Variants in ZNF705G observed in about 807,000 individuals in gnomAD.
The protein encoded by ZNF705G is putative zinc finger protein 705G.
ZNF705G carries 23 observed loss-of-function variants against 19.6 expected under a neutral mutation model. The observed-to-expected ratio is 1.17, with a 90% confidence interval of 0.84 to 1.66. ZNF705G has a LOEUF of 1.66. ZNF705G is among the 40% of genes most tolerant of loss of function. The probability of loss-of-function intolerance (pLI) is 0.00; values close to 1 mark genes in which losing one functional copy is unlikely to be tolerated. For synonymous variants in ZNF705G, 146 were observed against 117.7 expected (o/e 1.24, Z -1.56); for missense variants, 457 against 354.4 (o/e 1.29, Z -2.32).
rs1382707989 is a variant in ZNF705G, at chr8:7,355,937, A to G, written c.*2039T>C. 1 of 149,622 alleles carries G rather than the reference A, an allele frequency of 6.7e-6. No homozygotes were observed. Among genetic ancestry groups the G allele is most frequent in the East Asian group, 1.9e-4 (1 of 5,198 alleles). 9.3% of individuals were successfully genotyped at this position (149,622 alleles called of 1,614,324 possible). ...AGAGTAAAATCAATCACTTGTAGAG[A>G]TTTTAAAATATAATGATGTGTCAAC... On this transcript the variant is annotated 3_prime_UTR_variant, in exon 7 of 7. Coordinates refer to ENST00000400156, the MANE Select transcript of ZNF705G (RefSeq NM_001164457.3).
At chr8:7,359,027 ATTTG>A (rs1806437988) in intron 6 of ZNF705G, among the ~76,000 whole-genome samples, 1 of 149,538 alleles carries the variant, frequency 6.7e-6, no homozygotes, top group South Asian at 2.1e-4. Flanking sequence ...CCTCTGCCTC[ATTTG>A]TTTATGTCAT....
rs1471788733 is a variant in ZNF705G at position 7,375,387 on chromosome 8, C to T, written c.-72+6065G>A. On this transcript the variant is annotated intron_variant, in intron 2 of 6. Coordinates refer to ENST00000400156, the MANE Select transcript of ZNF705G (RefSeq NM_001164457.3). ...TTCTTTTTATGGATGCATAGTATTC[C>T]GTGACATATATGTACTACATTTTCT... is the stretch of plus-strand genomic sequence containing the variant. Among the ~76,000 whole-genome samples the T allele has an allele frequency of 1.2e-4, 11 of 92,808 alleles. 5 individuals carry two copies. Among genetic ancestry groups the T allele is most frequent in the South Asian group, 1.1e-3 (3 of 2,702 alleles). The allele number at this position is 92,808 out of a possible 152,430, so 60.9% of individuals were successfully genotyped here.
At chr8:7,384,752 T>C (rs1319032944) in intron 1 of ZNF705G, among the ~76,000 whole-genome samples, 1 of 144,898 alleles carries the variant, frequency 6.9e-6, no homozygotes, top group Non-Finnish European at 1.5e-5. Context: ...ATTTCACTTA[T>C]TAAATGTTAG....
At chr8:7,368,749 C>A (rs1446408685) in intron 2 of ZNF705G, among the ~76,000 whole-genome samples, 1 of 149,808 alleles carries the variant, frequency 6.7e-6, no homozygotes, top group East Asian at 1.9e-4. Context: ...GTGAGCTGGG[C>A]CCAGTGCAAG....
At chr8:7,380,585 C>G (rs1220715171) in intron 2 of ZNF705G, among the ~76,000 whole-genome samples, 1 of 147,066 alleles carries the variant, frequency 6.8e-6, no homozygotes, top group Non-Finnish European at 1.5e-5. Context: ...CTCTGTCCAT[C>G]ATGTTGCCAT....
Position 7,357,832 on chromosome 8 carries a change from A to G in ZNF705G, c.*144T>C, listed in dbSNP as rs1398692725. The G allele has an allele frequency of 1.6e-5, 21 of 1,287,156 alleles. No individual in the cohort carries two copies. The highest frequency in any genetic ancestry group is 2.1e-5 in the Non-Finnish European group (20 of 961,576). 79.7% of individuals were successfully genotyped at this position (1,287,156 alleles called of 1,614,324 possible). ...TGTCATTCCTAACACCGTGTCATCT[A>G]AAGTCAGAATATGTTCTGAAGAAGT... On this transcript the variant is annotated 3_prime_UTR_variant, in exon 7 of 7. Transcript: ENST00000400156.
intron 2 of ZNF705G, among the ~76,000 whole-genome samples, chr8:7,365,925 C>A (rs1461822867): frequency 1.3e-5 from 2 of 149,320 alleles, no homozygotes; most frequent in African/African-American, 2.6e-5. Context: ...CCTTTCCCTT[C>A]CTTTAATTCA....
At position 7,360,262 on chromosome 8, in the gene ZNF705G, T is replaced by A. The variant is rs1806512261; in HGVS notation, c.210A>T (p.Arg70Ser). The part of the protein sequence containing the change: ...EQGKELWREG[R>S]VFLQDQNPNR... The stretch of plus-strand genomic sequence containing the variant: ...TTGGATTCTGGTCTTGAAGAAATAC[T>A]CTTCCTTCCCTCCACAGCTCTTTTC... The change falls in exon 5 of 7, where the codon AGA (arginine) becomes AGT (serine). Residue 70 changes from arginine (R) to serine (S), a missense_variant. Coordinates refer to ENST00000400156, the MANE Select transcript of ZNF705G (RefSeq NM_001164457.3). 2 of 1,592,192 alleles carry A rather than the reference T, an allele frequency of 1.3e-6. No homozygotes were observed. Among genetic ancestry groups the A allele is most frequent in the Admixed American group, 1.7e-5 (1 of 59,906 alleles).
chr8:7,364,200 A>G (rs1175762353), intron 2 of ZNF705G, among the ~76,000 whole-genome samples: 1 of 149,708 alleles, frequency 6.7e-6, no homozygotes, highest in African/African-American at 2.6e-5. Flanking sequence ...GTAGATATAT[A>G]GGTGCATATG....
chr8:7,367,338 G>C lies in ZNF705G; in HGVS notation c.-71-4321C>G, dbSNP rs181728872. Among the ~76,000 whole-genome samples the C allele has an allele frequency of 5.1e-4, 76 of 149,418 alleles. 10 individuals carry two copies. Among genetic ancestry groups the C allele is most frequent in the African/African-American group, 1.7e-3 (68 of 38,866 alleles). On this transcript the variant is annotated intron_variant, in intron 2 of 6. Coordinates refer to ENST00000400156, the MANE Select transcript of ZNF705G (RefSeq NM_001164457.3). ...AATGATAATTAGGCAGCACCAGAGA[G>C]AGGCCGTTTCCTGATGGTCTACACC...
Position 7,358,503 on chromosome 8 carries a change from T to G in ZNF705G, c.376A>C (p.Thr126Pro), listed in dbSNP as rs758404289. Residue 126 changes from threonine to proline, a missense_variant, in exon 7 of 7, where the codon ACT becomes CCT. Coordinates refer to ENST00000400156, the MANE Select transcript of ZNF705G (RefSeq NM_001164457.3). ...FECNDSGEDC[T>P]RSSTITQCLL... is the part of the protein sequence containing the mutation. ...CACTGAGTTATTGTGGAACTGCGAG[T>G]GCAATCTTCTCCCGAATCATTACAT... is the stretch of plus-strand genomic sequence containing the variant. The G allele has an allele frequency of 1.9e-6, 3 of 1,607,536 alleles. No homozygotes were observed. Among genetic ancestry groups the G allele is most frequent in the East Asian group, 4.5e-5 (2 of 44,852 alleles).
intron 2 of ZNF705G, among the ~76,000 whole-genome samples, chr8:7,379,013 C>T (rs1369654590): frequency 9.2e-4 from 138 of 150,092 alleles, no homozygotes; most frequent in African/African-American, 3.1e-3. Context: ...TTAGACACAA[C>T]TTTAGTGGCT....
chr8:7,382,457 T>C (rs1393287126), intron 1 of ZNF705G, among the ~76,000 whole-genome samples: 1 of 146,736 alleles, frequency 6.8e-6, no homozygotes, highest in Non-Finnish European at 1.5e-5. Flanking sequence ...TGAGGATTCA[T>C]CCATTTATTC....
intron 1 of ZNF705G, among the ~76,000 whole-genome samples, chr8:7,385,083 C>T (rs1363169935): frequency 2.7e-5 from 4 of 147,496 alleles, no homozygotes; most frequent in African/African-American, 1.1e-4. Flanking sequence ...GTGTGTTTGA[C>T]AGCAATAGAG....
Position 7,360,352 on chromosome 8 carries a change from A to C in ZNF705G, c.140-20T>G. The stretch of plus-strand genomic sequence containing the variant: ...GGTACCCTGTTAGTGGAAAGAATAC[A>C]TGTGTTTTGAGTTCACTGTCAATAA... On this transcript the variant is annotated intron_variant, in intron 4 of 6. Coordinates refer to ENST00000400156, the MANE Select transcript of ZNF705G (RefSeq NM_001164457.3). 6.3e-7 allele frequency: 1 copy of C among 1,587,786 alleles called. No homozygotes were observed. Among genetic ancestry groups the C allele is most frequent in the East Asian group, 2.2e-5 (1 of 44,798 alleles).
At chr8:7,369,404 G>T (rs1336633008) in intron 2 of ZNF705G, among the ~76,000 whole-genome samples, 1 of 149,400 alleles carries the variant, frequency 6.7e-6, no homozygotes, top group Non-Finnish European at 1.5e-5. Context: ...GTCCACACTG[G>T]GGCACTGCCT....
At chr8:7,364,146 G>C (rs1334901656) in intron 2 of ZNF705G, among the ~76,000 whole-genome samples, 2 of 149,480 alleles carry the variant, frequency 1.3e-5, no homozygotes, top group Non-Finnish European at 2.9e-5. Flanking sequence ...ATACATATTT[G>C]CTGAGAAATA....
chr8:7,364,469 T>C (rs541210546), intron 2 of ZNF705G, among the ~76,000 whole-genome samples: 1 of 149,750 alleles, frequency 6.7e-6, no homozygotes, highest in South Asian at 2.1e-4. Context: ...TACAGTTTAT[T>C]TACCAATTTA....
At chr8:7,371,308 G>C (rs186081844) in intron 2 of ZNF705G, among the ~76,000 whole-genome samples, 9 of 136,210 alleles carry the variant, frequency 6.6e-5, no homozygotes, top group East Asian at 2.2e-4. Context: ...GCCAGGGGCC[G>C]TGGTGCTGGG....
Sources: allele counts gnomAD v4.1 joint callset (sites outside exome capture counted in the v4.1 genomes callset), GRCh38; gene constraint gnomAD v4.1.1; transcripts MANE v1.5; gene names NCBI Gene and HGNC (gene_info 2026-07-23, HGNC 2026-07-21).